Variants in UNC13C observed in about 807,000 individuals in gnomAD.
UNC13C encodes protein unc-13 homolog C.
In UNC13C, 174 loss-of-function variants were observed where a neutral mutation model predicts 245.4. That is an observed-to-expected ratio of 0.71 (90% confidence interval 0.63 to 0.80). The LOEUF (loss-of-function observed/expected upper bound fraction) is 0.80. Among genes scored for constraint, UNC13C ranks in the 30% least tolerant of loss-of-function variants. The pLI is 0.00. For synonymous variants in UNC13C, 992 were observed against 895.1 expected (o/e 1.11, Z -1.93); for missense variants, 2,829 against 2,602.9 (o/e 1.09, Z -1.89).
Position 54,623,812 on chromosome 15 carries a change from C to G in UNC13C, c.6217C>G (p.Leu2073Val). ...TTTTTTAGTGATTGCTATTAATGACCTAAACTGGCAGACCACAGCAATGTT... is the reference window on the plus strand; with the variant it reads ...TTTTTTAGTGATTGCTATTAATGACGTAAACTGGCAGACCACAGCAATGTT... ...VTVKVIAIND[L>V]NWQTTAMFRP... Residue 2073 changes from leucine (L) to valine (V), a missense_variant, in exon 32 of 33, where the codon CTA becomes GTA. Physicochemically the swap from Leu to Val is conservative, Grantham distance 32 (BLOSUM62 1). Transcript: ENST00000260323. 6.2e-7 allele frequency: 1 copy of G among 1,612,442 alleles called. No individual in the cohort carries two copies. The highest frequency in any genetic ancestry group is 8.5e-7 in the Non-Finnish European group (1 of 1,179,048).
chr15:54,106,114 A>G (rs766902447), intron 2 of UNC13C, among the ~76,000 whole-genome samples: 39 of 152,230 alleles, frequency 2.6e-4, no homozygotes, highest in Non-Finnish European at 5.1e-4. Context: ...CAGTCTCTCT[A>G]GATCCCTTAA....
At position 54,062,799 on chromosome 15, in the gene UNC13C, A is replaced by G. The variant is rs558651205; in HGVS notation, c.2983+46913A>G. On this transcript the variant is annotated intron_variant, in intron 2 of 32. Transcript: ENST00000260323. ...CTTCAGGTGATCCTGATCCTCCATA[A>G]ATTTTGGGACCTACTCATGTAATAA... Among the ~76,000 whole-genome samples, 5 of 152,272 alleles carry G rather than the reference A, an allele frequency of 3.3e-5. No homozygotes were observed. In the South Asian group the frequency reaches 1.0e-3, roughly 32 times the overall value.
the UNC13C span, among the ~76,000 whole-genome samples, chr15:53,858,731 T>C: frequency 1.3e-5 from 2 of 152,280 alleles, no homozygotes; most frequent in African/African-American, 4.8e-5. Flanking sequence ...GATAATGAAA[T>C]AGGCTCAGAA....
At chr15:54,132,074 C>CTTTTTTT (rs1555420957) in intron 2 of UNC13C, among the ~76,000 whole-genome samples, 1 of 110,644 alleles carries the variant, frequency 9.0e-6, no homozygotes, top group African/African-American at 3.2e-5. Flanking sequence ...TTTTCTTTTT[C>CTTTTTTT]TTTTTTTTTT....
At chr15:54,338,757 T>C (rs1377751681) in intron 17 of UNC13C, among the ~76,000 whole-genome samples, 1 of 152,204 alleles carries the variant, frequency 6.6e-6, no homozygotes, top group Non-Finnish European at 1.5e-5. Context: ...GAAGACATTT[T>C]CTCAAGGTCA....
chr15:54,223,691 G>A (rs2035293070), intron 4 of UNC13C, among the ~76,000 whole-genome samples: 1 of 151,888 alleles, frequency 6.6e-6, no homozygotes, highest in African/African-American at 2.4e-5. Context: ...TATTTTGATA[G>A]GGATTGTATT....
intron 4 of UNC13C, among the ~76,000 whole-genome samples, chr15:54,196,991 G>A (rs2141337339): frequency 6.6e-6 from 1 of 152,008 alleles, no homozygotes; most frequent in Middle Eastern, 3.4e-3. Context: ...ACACCAACAT[G>A]GCACATGTAT....
chr15:54,402,924 G>A (rs2040216478), intron 18 of UNC13C, among the ~76,000 whole-genome samples: 1 of 152,100 alleles, frequency 6.6e-6, no homozygotes, highest in Non-Finnish European at 1.5e-5. Context: ...AAATTAGGAG[G>A]CAAAACTTAA....
intron 2 of UNC13C, among the ~76,000 whole-genome samples, chr15:54,033,393 G>T (rs1444875853): frequency 1.3e-5 from 2 of 152,020 alleles, no homozygotes; most frequent in African/African-American, 4.8e-5. Flanking sequence ...TAAATGACAA[G>T]AAAAAATTTT....
chr15:54,398,729 G>A (rs1215248235), intron 18 of UNC13C, among the ~76,000 whole-genome samples: 3 of 151,040 alleles, frequency 2.0e-5, no homozygotes, highest in Admixed American at 2.0e-4. Flanking sequence ...TAATCTAAGT[G>A]GTGAAATTTT....
At chr15:54,092,439 G>A (rs184306942) in intron 2 of UNC13C, among the ~76,000 whole-genome samples, 1 of 152,208 alleles carries the variant, frequency 6.6e-6, no homozygotes, top group East Asian at 1.9e-4. Context: ...ACTGTATCTT[G>A]TATTAAGGCT....
intron 2 of UNC13C, among the ~76,000 whole-genome samples, chr15:54,093,036 G>T (rs1011559614): frequency 6.6e-6 from 1 of 152,018 alleles, no homozygotes; most frequent in Non-Finnish European, 1.5e-5. Flanking sequence ...GTCCCCTTTA[G>T]CCTCCACTCA....
intron 1 of UNC13C, among the ~76,000 whole-genome samples, chr15:53,980,837 T>C (rs1166398497): frequency 6.6e-6 from 1 of 152,150 alleles, no homozygotes; most frequent in Non-Finnish European, 1.5e-5. Context: ...AAGTAAACTG[T>C]TTTCCTTTCC....
At chr15:54,207,153 A>T (rs1189484280) in intron 4 of UNC13C, among the ~76,000 whole-genome samples, 1 of 145,102 alleles carries the variant, frequency 6.9e-6, no homozygotes, top group East Asian at 2.0e-4. Context: ...TGATGATGAT[A>T]ATTACAAGGA....
At chr15:53,974,149 T>C (rs923821758), upstream of UNC13C, among the ~76,000 whole-genome samples, 10 of 151,466 alleles carry the variant, frequency 6.6e-5, no homozygotes, top group African/African-American at 2.4e-4. Context: ...AATAAGAAAA[T>C]GTATGTAATA....
At chr15:54,409,772 T>C (rs1322384969) in intron 18 of UNC13C, among the ~76,000 whole-genome samples, 1 of 152,180 alleles carries the variant, frequency 6.6e-6, no homozygotes, top group Non-Finnish European at 1.5e-5. Flanking sequence ...CTTTATCCAG[T>C]CCACTGTGTA....
the UNC13C span, among the ~76,000 whole-genome samples, chr15:53,859,072 A>G: frequency 6.6e-6 from 1 of 152,112 alleles, no homozygotes; most frequent in Non-Finnish European, 1.5e-5. Context: ...AGTTTTGTAA[A>G]TGGGCATGTA....
intron 19 of UNC13C, among the ~76,000 whole-genome samples, chr15:54,441,482 A>G (rs1357914235): frequency 6.6e-6 from 1 of 151,892 alleles, no homozygotes; most frequent in Non-Finnish European, 1.5e-5. Context: ...AGGCACCCTT[A>G]TCAAAAATCA....
intron 2 of UNC13C, among the ~76,000 whole-genome samples, chr15:54,101,696 T>C (rs1423520128): frequency 6.6e-6 from 1 of 152,094 alleles, no homozygotes; most frequent in Non-Finnish European, 1.5e-5. Flanking sequence ...TTCTCCTGCT[T>C]CAGCCTCCTG....
Sources: allele counts gnomAD v4.1 joint callset (sites outside exome capture counted in the v4.1 genomes callset), GRCh38; gene constraint gnomAD v4.1.1; transcripts MANE v1.5; gene names NCBI Gene and HGNC (gene_info 2026-07-23, HGNC 2026-07-21).